Variants in UBAC2 observed in about 807,000 individuals in gnomAD.
The protein encoded by UBAC2 is ubiquitin-associated domain-containing protein 2.
Under a neutral mutation model 44.0 loss-of-function variants are expected in UBAC2, and 26 were observed. That is an observed-to-expected ratio of 0.59 (90% CI 0.43 to 0.82). UBAC2 has a LOEUF of 0.82. UBAC2 is among the 40% of genes least tolerant of loss of function. UBAC2 has a pLI of 0.00. For synonymous variants in UBAC2, 155 were observed against 154.3 expected (o/e 1.00, Z -0.04); for missense variants, 329 against 419.4 (o/e 0.78, Z 1.88).
At chr13:99,350,527 C>T (rs2045067779) in intron 7 of UBAC2, among the ~76,000 whole-genome samples, 1 of 152,216 alleles carries the variant, frequency 6.6e-6, no homozygotes, top group Non-Finnish European at 1.5e-5. Context: ...AGAGAACTTC[C>T]AGATTGCTGA....
At chr13:99,352,343 C>T (rs1490662486) in intron 7 of UBAC2, among the ~76,000 whole-genome samples, 1 of 152,226 alleles carries the variant, frequency 6.6e-6, no homozygotes, top group Admixed American at 6.5e-5. Flanking sequence ...TCATTCCCAT[C>T]CGCCCTGTCC....
At position 99,345,891 on chromosome 13, in the gene UBAC2, C is replaced by T. The variant is rs527768547; in HGVS notation, c.807+5326C>T. 2.0e-5 allele frequency among the ~76,000 whole-genome samples: 3 copies of T among 151,968 alleles called. No individual in the cohort carries two copies. The East Asian group carries it at 5.8e-4, about 29-fold the overall frequency. The stretch of plus-strand genomic sequence containing the variant: ...CCGAGTAGCTGGGATTACAGGCGCT[C>T]ACCACCACATCCGGCTAATTTTTGT... On this transcript the variant is annotated intron_variant, in intron 7 of 8. Coordinates refer to ENST00000403766, the MANE Select transcript of UBAC2 (RefSeq NM_001144072.2).
chr13:99,237,233 T>C (rs1566460769), intron 1 of UBAC2, among the ~76,000 whole-genome samples: 1 of 147,590 alleles, frequency 6.8e-6, no homozygotes, highest in Non-Finnish European at 1.5e-5. Context: ...AAATGGATGA[T>C]AGATAAAGAA....
chr13:99,264,147 C>T (rs1381160065), intron 4 of UBAC2, among the ~76,000 whole-genome samples: 1 of 152,226 alleles, frequency 6.6e-6, no homozygotes, highest in Non-Finnish European at 1.5e-5. Flanking sequence ...CCAGTCAAGT[C>T]AGCTGTCTTG....
intron 4 of UBAC2, among the ~76,000 whole-genome samples, chr13:99,291,460 A>G (rs1275326923): frequency 1.3e-5 from 2 of 152,188 alleles, no homozygotes; most frequent in Non-Finnish European, 2.9e-5. Context: ...TTTTTTAGCT[A>G]TGAAGAGAAT....
chr13:99,381,820 AGT>A (rs2045555466), intron 8 of UBAC2, among the ~76,000 whole-genome samples: 1 of 152,222 alleles, frequency 6.6e-6, no homozygotes, highest in African/African-American at 2.4e-5. Context: ...GGAAAAGGAA[AGT>A]GTGAATTCTG....
intron 4 of UBAC2, among the ~76,000 whole-genome samples, chr13:99,263,695 A>G (rs1200069692): frequency 6.6e-6 from 1 of 152,248 alleles, no homozygotes; most frequent in Admixed American, 6.5e-5. Flanking sequence ...AAGAATGTTC[A>G]CGGTAACATT....
chr13:99,347,281 T>G (rs1594153221), intron 7 of UBAC2, among the ~76,000 whole-genome samples: 1 of 133,058 alleles, frequency 7.5e-6, no homozygotes, highest in African/African-American at 2.8e-5. Flanking sequence ...GAAGAGTAGG[T>G]GTTTCAGGAA....
At chr13:99,217,851 C>T (rs912932013) in intron 1 of UBAC2, among the ~76,000 whole-genome samples, 10 of 152,194 alleles carry the variant, frequency 6.6e-5, no homozygotes, top group Middle Eastern at 3.2e-3. Flanking sequence ...TGGGTGGCAG[C>T]GTCCACCGAG....
At chr13:99,242,100 A>G (rs1265382117) in intron 2 of UBAC2, among the ~76,000 whole-genome samples, 2 of 152,026 alleles carry the variant, frequency 1.3e-5, no homozygotes, top group African/African-American at 4.8e-5. Flanking sequence ...AATTTTTCTT[A>G]GTACAGAACA....
intron 1 of UBAC2, among the ~76,000 whole-genome samples, chr13:99,203,296 A>G (rs949300186): frequency 2.0e-5 from 3 of 152,228 alleles, no homozygotes; most frequent in Non-Finnish European, 2.9e-5. Flanking sequence ...TCGGCCTCCA[A>G]AAGTGCTGGG....
chr13:99,208,688 T>G (rs1342323962), intron 1 of UBAC2, among the ~76,000 whole-genome samples: 1 of 152,176 alleles, frequency 6.6e-6, no homozygotes, highest in African/African-American at 2.4e-5. Flanking sequence ...TCTCTGTCCC[T>G]CAGATTTCTT....
At chr13:99,240,564 T>G (rs1167305204) in intron 2 of UBAC2, among the ~76,000 whole-genome samples, 1 of 152,160 alleles carries the variant, frequency 6.6e-6, no homozygotes, top group Non-Finnish European at 1.5e-5. Flanking sequence ...TTGAATCTGG[T>G]GTTCTGAGGA....
intron 6 of UBAC2, among the ~76,000 whole-genome samples, chr13:99,327,758 T>G (rs2044659525): frequency 6.6e-6 from 1 of 152,226 alleles, no homozygotes; most frequent in Admixed American, 6.5e-5. Flanking sequence ...TCCTACCTCT[T>G]ATAAAATTTA....
At position 99,322,023 on chromosome 13, in the gene UBAC2, T is replaced by C. The variant is rs1594125592; in HGVS notation, c.561+3954T>C. Among the ~76,000 whole-genome samples the C allele has an allele frequency of 2.0e-5, 3 of 152,366 alleles. No homozygotes were observed. In the South Asian group the frequency reaches 6.2e-4, roughly 32 times the overall value. Reference sequence around the variant, plus strand: ...TTTTCCTCATTTGACAGTTCTGATTTTTAATGCAAACATTTAGTATTTAAA... The same window carrying C: ...TTTTCCTCATTTGACAGTTCTGATTCTTAATGCAAACATTTAGTATTTAAA... On this transcript the variant is annotated intron_variant, in intron 6 of 8. Transcript: ENST00000403766.
intron 6 of UBAC2, among the ~76,000 whole-genome samples, chr13:99,339,891 G>T (rs968277296): frequency 2.0e-5 from 3 of 152,204 alleles, no homozygotes; most frequent in African/African-American, 7.2e-5. Flanking sequence ...TTGATCGTGT[G>T]ACTGGGTCAG....
chr13:99,345,486 C>T (rs2044960900), intron 7 of UBAC2, among the ~76,000 whole-genome samples: 2 of 152,066 alleles, frequency 1.3e-5, no homozygotes, highest in Non-Finnish European at 2.9e-5. Flanking sequence ...TTCCTCTGTT[C>T]ACTCCCTAAA....
intron 4 of UBAC2, among the ~76,000 whole-genome samples, chr13:99,305,962 C>T (rs566621162): frequency 6.6e-6 from 1 of 152,282 alleles, no homozygotes; most frequent in South Asian, 2.1e-4. Flanking sequence ...GTGGCGCAAT[C>T]TCGGCTCACT....
chr13:99,344,757 C>T (rs958072370), intron 7 of UBAC2, among the ~76,000 whole-genome samples: 1 of 152,170 alleles, frequency 6.6e-6, no homozygotes, highest in Admixed American at 6.5e-5. Flanking sequence ...TCGCTGCCAC[C>T]CCCTGCCACG....
Sources: allele counts gnomAD v4.1 joint callset (sites outside exome capture counted in the v4.1 genomes callset), GRCh38; gene constraint gnomAD v4.1.1; transcripts MANE v1.5; gene names NCBI Gene and HGNC (gene_info 2026-07-23, HGNC 2026-07-21).